DARS1: variants seen among roughly 807,000 people sequenced by gnomAD.
DARS1 encodes the protein aspartyl-tRNA synthetase 1.
DARS1 carries 51 observed loss-of-function variants against 68.8 expected under a neutral mutation model. The observed-to-expected ratio is 0.74, with a 90% CI of 0.59 to 0.94. The LOEUF (loss-of-function observed/expected upper bound fraction) is 0.94. DARS1 is among the 40% of genes least tolerant of loss of function. The pLI is 0.00. For synonymous variants in DARS1, 203 were observed against 190.4 expected, an observed-to-expected ratio of 1.07 and a Z score of -0.55; for missense variants, 607 against 597.3, an observed-to-expected ratio of 1.02 and a Z score of -0.17.
chr2:135,954,869 G>A (rs991144405), intron 4 of DARS1, among the ~76,000 whole-genome samples: 18 of 151,950 alleles, frequency 1.2e-4, no homozygotes, highest in African/African-American at 4.4e-4. Context: ...GACAGAAGAT[G>A]GGCAGCATAA....
At chr2:135,967,719 G>C (rs1165889003) in intron 3 of DARS1, among the ~76,000 whole-genome samples, 3 of 151,926 alleles carry the variant, frequency 2.0e-5, no homozygotes, top group Admixed American at 1.3e-4. Context: ...TCATACTTTT[G>C]ACACTAGGAT....
chr2:135,930,720 C>T (rs1333359420), intron 7 of DARS1, among the ~76,000 whole-genome samples: 4 of 152,140 alleles, frequency 2.6e-5, no homozygotes, highest in African/African-American at 7.2e-5. Context: ...GGGAAAAGTA[C>T]TTAAACAATG....
chr2:135,914,422 G>A (rs376489053), intron 12 of DARS1, 47 bp downstream of exon 12: 333 of 918,356 alleles, frequency 3.6e-4, no homozygotes, highest in Non-Finnish European at 2.5e-4. Context: ...AGTCCCAAGA[G>A]ACATTTCAGA....
At chr2:135,954,387 A>G (rs953320214) in intron 4 of DARS1, among the ~76,000 whole-genome samples, 6 of 151,966 alleles carry the variant, frequency 3.9e-5, no homozygotes, top group African/African-American at 1.4e-4. Context: ...CCCCAAAACA[A>G]AAAAAGACAA....
intron 4 of DARS1, among the ~76,000 whole-genome samples, chr2:135,952,554 C>T (rs950346224): frequency 6.6e-6 from 1 of 152,136 alleles, no homozygotes; most frequent in Non-Finnish European, 1.5e-5. Context: ...CAATCTCTCC[C>T]TCATCCCCCT....
chr2:135,919,819 T>TA (rs1681080011), intron 10 of DARS1, among the ~76,000 whole-genome samples: 1 of 152,254 alleles, frequency 6.6e-6, no homozygotes, highest in Non-Finnish European at 1.5e-5. Context: ...TTCAGTCTAC[T>TA]AGTTTCTAAT....
At chr2:135,979,502 C>T (rs1682575530) in intron 2 of DARS1, 136 bp from the exon 3 acceptor site, 1 of 603,094 alleles carries the variant, frequency 1.7e-6, no homozygotes, top group Non-Finnish European at 2.9e-6. Flanking sequence ...TTTGACAACA[C>T]TGTCTTCTCT....
At chr2:135,925,145 GT>G (rs1207022363) in intron 7 of DARS1, among the ~76,000 whole-genome samples, 3 of 151,698 alleles carry the variant, frequency 2.0e-5, no homozygotes, top group African/African-American at 7.3e-5. Flanking sequence ...AGTTTCTCTG[GT>G]CCTCCTATTT....
Position 135,918,582 on chromosome 2 carries a change from T to C in DARS1, c.959+1871A>G, listed in dbSNP as rs867457774. Among the ~76,000 whole-genome samples the C allele has an allele frequency of 3.9e-5, 6 of 152,326 alleles. No individual in the cohort carries two copies. The South Asian group carries it at 1.2e-3, about 32-fold the overall frequency. Reference sequence around the variant, plus strand: ...TGCCACCTTAACTCTACTGAAAAAGTTCAGCAGTAATGGCGTTTGAGTCTA... The same window carrying C: ...TGCCACCTTAACTCTACTGAAAAAGCTCAGCAGTAATGGCGTTTGAGTCTA... On this transcript the variant is annotated intron_variant, in intron 10 of 15. Transcript: ENST00000264161.
intron 4 of DARS1, among the ~76,000 whole-genome samples, chr2:135,954,496 A>G (rs1269260828): frequency 1.3e-5 from 2 of 152,156 alleles, no homozygotes; most frequent in African/African-American, 2.4e-5. Flanking sequence ...AGAGTCAGTT[A>G]TTATAAGGGA....
At chr2:135,973,597 G>A (rs966858475) in intron 3 of DARS1, among the ~76,000 whole-genome samples, 1 of 152,148 alleles carries the variant, frequency 6.6e-6, no homozygotes, top group African/African-American at 2.4e-5. Context: ...GCTCACACCT[G>A]TAATCCAAGC....
rs1291431984 is a variant in DARS1, at chr2:135,908,253, G to A, written c.1415-846C>T. ...TGCTTTCCTGTAGGGAGGCGAATAC[G>A]CACTATTCTTTTTCCTCCTCCAATT... is the stretch of plus-strand genomic sequence containing the variant. On this transcript the variant is annotated intron_variant, in intron 15 of 15. Transcript: ENST00000264161. Among the ~76,000 whole-genome samples, 3 of 152,100 alleles carry A rather than the reference G, an allele frequency of 2.0e-5. 1 individual carries two copies. Among genetic ancestry groups the A allele is most frequent in the South Asian group, 4.1e-4 (2 of 4,824 alleles).
At chr2:135,966,191 A>C (rs1386687758) in intron 3 of DARS1, among the ~76,000 whole-genome samples, 1 of 151,620 alleles carries the variant, frequency 6.6e-6, no homozygotes, top group African/African-American at 2.4e-5. Flanking sequence ...TTTCTGCAAG[A>C]ACACACAAGA....
At chr2:135,937,327 G>C (rs1681492515) in intron 5 of DARS1, among the ~76,000 whole-genome samples, 1 of 151,874 alleles carries the variant, frequency 6.6e-6, no homozygotes, top group Non-Finnish European at 1.5e-5. Flanking sequence ...GACCTCAAGT[G>C]ACACTTATGG....
At chr2:135,935,618 A>ATAAC (rs1315071754) in intron 5 of DARS1, among the ~76,000 whole-genome samples, 1 of 152,108 alleles carries the variant, frequency 6.6e-6, no homozygotes, top group Non-Finnish European at 1.5e-5. Flanking sequence ...AAATAAATAA[A>ATAAC]TAAATAAAAA....
In DARS1 at chr2:135,911,204, T is replaced by C. The variant is rs1220083005; in HGVS notation, c.1349A>G (p.Glu450Gly). 6.6e-7 allele frequency: 1 copy of C among 1,519,124 alleles called. No homozygotes were observed. Among genetic ancestry groups the C allele is most frequent in the East Asian group, 2.3e-5 (1 of 44,360 alleles). 94.1% of individuals were successfully genotyped at this position (1,519,124 alleles called of 1,614,324 possible). ...ERALHHGIDL[E>G]KIKAYIDSFR... is the part of the protein sequence containing the mutation. ...GGAATCAATGTAAGCCTTAATTTTC[T>C]CCAAATCTGCAAAAAGACACAAAAC... is the stretch of plus-strand genomic sequence containing the variant. Residue 450 changes from glutamate (E) to glycine (G), a missense_variant, in exon 15 of 16, where the codon GAG (glutamate) becomes GGG (glycine). Coordinates refer to ENST00000264161, the MANE Select transcript of DARS1 (RefSeq NM_001349.4).
intron 4 of DARS1, among the ~76,000 whole-genome samples, chr2:135,957,527 A>C (rs552540694): frequency 6.6e-6 from 1 of 151,998 alleles, no homozygotes; most frequent in East Asian, 1.9e-4. Context: ...CGACTAATTT[A>C]AAAAAAATTT....
At chr2:135,938,553 T>C (rs995724743) in intron 5 of DARS1, among the ~76,000 whole-genome samples, 1 of 152,212 alleles carries the variant, frequency 6.6e-6, no homozygotes, top group Non-Finnish European at 1.5e-5. Context: ...TGCGTTCCTT[T>C]GGAGGATAAG....
intron 3 of DARS1, among the ~76,000 whole-genome samples, chr2:135,977,261 G>A (rs1682521642): frequency 6.6e-6 from 1 of 152,176 alleles, no homozygotes; most frequent in African/African-American, 2.4e-5. Flanking sequence ...AAGACACTGA[G>A]GATTGGAAAG....
Sources: allele counts gnomAD v4.1 joint callset (sites outside exome capture counted in the v4.1 genomes callset), GRCh38; gene constraint gnomAD v4.1.1; transcripts MANE v1.5; gene names NCBI Gene and HGNC (gene_info 2026-07-23, HGNC 2026-07-21).